CA1: variants seen among roughly 807,000 people sequenced by gnomAD.
CA1 encodes carbonic anhydrase 1, also known as carbonate dehydratase I.
In CA1, 27 loss-of-function variants were observed where a neutral mutation model predicts 28.8. The observed-to-expected ratio is 0.94, with a 90% confidence interval of 0.69 to 1.29. The LOEUF (loss-of-function observed/expected upper bound fraction) is 1.29. Among genes scored for constraint, CA1 ranks in the 50% most tolerant of loss-of-function variants. CA1 has a pLI of 0.00. For synonymous variants in CA1, 121 were observed against 108.8 expected (o/e 1.11, Z -0.70); for missense variants, 335 against 310.5 (o/e 1.08, Z -0.59).
intron 1 of CA1, among the ~76,000 whole-genome samples, chr8:85,352,548 T>G (rs1809451030): frequency 1.3e-5 from 2 of 152,180 alleles, no homozygotes; most frequent in African/African-American, 4.8e-5. Flanking sequence ...CAATCTAGAC[T>G]GTGACCTTGC....
chr8:85,334,800 G>A (rs1808579271), intron 4 of CA1, among the ~76,000 whole-genome samples: 1 of 152,092 alleles, frequency 6.6e-6, no homozygotes, highest in African/African-American at 2.4e-5. Context: ...AGATCAGCCT[G>A]ACCAACGTGG....
intron 6 of CA1, among the ~76,000 whole-genome samples, chr8:85,332,129 T>C (rs1241803071): frequency 6.6e-6 from 1 of 152,170 alleles, no homozygotes; most frequent in Non-Finnish European, 1.5e-5. Context: ...AAGAATGCCC[T>C]TTACTTCTGA....
At chr8:85,334,618 CCCTT>C (rs1210286998) in intron 4 of CA1, among the ~76,000 whole-genome samples, 4 of 147,656 alleles carry the variant, frequency 2.7e-5, no homozygotes, top group African/African-American at 7.5e-5. Context: ...CTTCCTCCCT[CCCTT>C]CCTTCCTTCC....
Position 85,363,376 on chromosome 8 carries a change from G to A in CA1, c.-25+14670C>T, listed in dbSNP as rs578014775. ...ATTTACATACTTTCAAGGCATATCC[G>A]TGAAAATGTCAGTTCTTTAACTAAA... On this transcript the variant is annotated intron_variant, in intron 1 of 7. Coordinates refer to ENST00000523022, the MANE Select transcript of CA1 (RefSeq NM_001128831.4). Among the ~76,000 whole-genome samples the A allele has an allele frequency of 7.9e-5, 12 of 152,304 alleles. No individual in the cohort carries two copies. In the East Asian group the frequency reaches 1.2e-3, roughly 15 times the overall value.
At chr8:85,344,208 A>T (rs1183368890) in intron 1 of CA1, among the ~76,000 whole-genome samples, 1 of 104,746 alleles carries the variant, frequency 9.5e-6, no homozygotes, top group Non-Finnish European at 1.7e-5. Flanking sequence ...TACAGTATAT[A>T]ATATAATTAT....
At chr8:85,364,544 G>A (rs528251768) in intron 1 of CA1, among the ~76,000 whole-genome samples, 33 of 152,072 alleles carry the variant, frequency 2.2e-4, no homozygotes, top group Non-Finnish European at 4.1e-4. Context: ...TTATTTTGTC[G>A]ATTTATTTCT....
At chr8:85,344,375 T>C (rs1211081158) in intron 1 of CA1, among the ~76,000 whole-genome samples, 1 of 144,032 alleles carries the variant, frequency 6.9e-6, no homozygotes, top group Non-Finnish European at 1.5e-5. Flanking sequence ...TTATTACATT[T>C]ATTTATTAAC....
At chr8:85,329,928 T>G in intron 6 of CA1, 84 bp from the exon 7 acceptor site, 2 of 1,118,488 alleles carry the variant, frequency 1.8e-6, no homozygotes, top group Non-Finnish European at 2.6e-6. Context: ...TATTATCTTG[T>G]TATACATTAT....
chr8:85,353,671 A>G (rs1809494327), intron 1 of CA1, among the ~76,000 whole-genome samples: 1 of 151,784 alleles, frequency 6.6e-6, no homozygotes, highest in African/African-American at 2.4e-5. Flanking sequence ...CATTATACAA[A>G]GAGTATTTTT....
intron 1 of CA1, among the ~76,000 whole-genome samples, chr8:85,361,434 T>C (rs1240655170): frequency 6.6e-6 from 1 of 152,162 alleles, no homozygotes; most frequent in East Asian, 1.9e-4. Context: ...CTCAGCACTT[T>C]GGGAAGCCGA....
At chr8:85,347,792 T>G (rs1257598303) in intron 1 of CA1, among the ~76,000 whole-genome samples, 1 of 152,208 alleles carries the variant, frequency 6.6e-6, no homozygotes, top group Non-Finnish European at 1.5e-5. Context: ...AAATTCTTTC[T>G]GACATCTTTT....
intron 1 of CA1, among the ~76,000 whole-genome samples, chr8:85,355,703 G>C (rs144534112): frequency 9.1e-4 from 138 of 151,768 alleles, no homozygotes; most frequent in African/African-American, 3.1e-3. Context: ...GCCTGGCCCA[G>C]ATTTAAATTT....
intron 6 of CA1, among the ~76,000 whole-genome samples, chr8:85,330,405 A>G (rs1808350738): frequency 6.6e-6 from 1 of 152,172 alleles, no homozygotes; most frequent in Non-Finnish European, 1.5e-5. Context: ...TCAACTGCAC[A>G]TAATGATAGT....
At chr8:85,335,010 C>T (rs76298806) in intron 4 of CA1, among the ~76,000 whole-genome samples, 1,248 of 67,548 alleles carry the variant, frequency 0.018, 15 homozygotes, top group African/African-American at 0.12. Context: ...AAATAAATAA[C>T]GACAAAAAAT....
rs780911082 is a variant in CA1 at position 85,329,720 on chromosome 8, C to T, written c.638G>A (p.Cys213Tyr). ...PLYESVTWII[C>Y]KESISVSSEQ... ...TGAGCTGACACTGATGCTCTCCTTACAGATGATCCAAGTTACACTCTCATA... is the reference window on the plus strand; with the variant it reads ...TGAGCTGACACTGATGCTCTCCTTATAGATGATCCAAGTTACACTCTCATA... Residue 213 changes from cysteine to tyrosine, a missense_variant, in exon 7 of 8, where the codon TGT becomes TAT. By Grantham distance (194) the Cys-to-Tyr change is radical. Transcript: ENST00000523022. The T allele has an allele frequency of 7.5e-6, 12 of 1,610,444 alleles. No homozygotes were observed. Among genetic ancestry groups the T allele is most frequent in the South Asian group, 4.4e-5 (4 of 90,462 alleles).
intron 1 of CA1, among the ~76,000 whole-genome samples, chr8:85,363,514 G>T (rs1809881583): frequency 6.6e-6 from 1 of 152,160 alleles, no homozygotes; most frequent in Non-Finnish European, 1.5e-5. Flanking sequence ...CCTGCCTCCA[G>T]TGTGTTGGTT....
At chr8:85,364,654 A>G (rs970512014) in intron 1 of CA1, among the ~76,000 whole-genome samples, 4 of 152,234 alleles carry the variant, frequency 2.6e-5, no homozygotes, top group Non-Finnish European at 4.4e-5. Context: ...CTACACTGCT[A>G]TAATACACAC....
intron 1 of CA1, among the ~76,000 whole-genome samples, chr8:85,376,374 T>C (rs1204549058): frequency 6.7e-6 from 1 of 150,046 alleles, no homozygotes; most frequent in East Asian, 2.0e-4. Flanking sequence ...AAAAATTGGG[T>C]AAGGGGGCCG....
chr8:85,347,034 T>G (rs1291740259), intron 1 of CA1, among the ~76,000 whole-genome samples: 1 of 152,200 alleles, frequency 6.6e-6, no homozygotes, highest in Non-Finnish European at 1.5e-5. Flanking sequence ...ATTAATTACC[T>G]TGTAGTAACA....
Sources: allele counts gnomAD v4.1 joint callset (sites outside exome capture counted in the v4.1 genomes callset), GRCh38; gene constraint gnomAD v4.1.1; transcripts MANE v1.5; gene names NCBI Gene and HGNC (gene_info 2026-07-23, HGNC 2026-07-21).